Variants in STARD9 observed in about 807,000 individuals in gnomAD.
STARD9 encodes StAR related lipid transfer domain containing 9, also known as stAR-related lipid transfer protein 9.
In STARD9, 346 loss-of-function variants were observed where a neutral mutation model predicts 399.8. The ratio of observed to expected loss-of-function variants is 0.87; its 90% confidence interval spans 0.79 to 0.95. The LOEUF (loss-of-function observed/expected upper bound fraction) is 0.95. Ranked by LOEUF, STARD9 falls within the 40% of genes least tolerant of loss-of-function variation. The pLI is 0.00. For synonymous variants in STARD9, 2,203 were observed against 2,143.5 expected (o/e 1.03, Z -0.77); for missense variants, 5,832 against 5,667.5 (o/e 1.03, Z -0.93).
Position 42,701,957 on chromosome 15 carries a change from C to T in STARD9, c.13284+6077C>T, listed in dbSNP as rs2060972922. Among the ~76,000 whole-genome samples, 6 of 138,446 alleles carry T rather than the reference C, an allele frequency of 4.3e-5. No homozygotes were observed. In the Admixed American group the frequency reaches 4.6e-4, roughly 11 times the overall value. The allele number at this position is 138,446 out of a possible 152,430, so 90.8% of individuals were successfully genotyped here. ...TTGCAGTGACCCGAGATCATCATTG[C>T]ACTCCAGTGCAGGTGACAGTGTGAG... On this transcript the variant is annotated intron_variant, in intron 26 of 32. Coordinates refer to ENST00000290607, the MANE Select transcript of STARD9 (RefSeq NM_020759.3).
chr15:42,576,339 A>G (rs960097325), intron 1 of STARD9, among the ~76,000 whole-genome samples: 3 of 152,198 alleles, frequency 2.0e-5, no homozygotes, highest in African/African-American at 7.2e-5. Context: ...CAGAGCCCTC[A>G]GTGCCCGTTT....
chr15:42,635,825 G>A (rs2059408379), intron 4 of STARD9, among the ~76,000 whole-genome samples: 2 of 152,252 alleles, frequency 1.3e-5, no homozygotes, highest in South Asian at 4.1e-4. Context: ...TGATTATTGT[G>A]GCCAAGCTCC....
intron 3 of STARD9, among the ~76,000 whole-genome samples, chr15:42,602,858 C>T (rs1206114443): frequency 1.3e-5 from 2 of 152,214 alleles, no homozygotes; most frequent in African/African-American, 4.8e-5. Flanking sequence ...TCCTTCATCC[C>T]ACCCCTTTTG....
intron 1 of STARD9, among the ~76,000 whole-genome samples, chr15:42,582,580 G>A (rs903639088): frequency 6.6e-6 from 1 of 152,188 alleles, no homozygotes; most frequent in African/African-American, 2.4e-5. Context: ...TATATTCTCA[G>A]GGTCTCAGCA....
chr15:42,713,586 A>C (rs1461808505), intron 26 of STARD9, among the ~76,000 whole-genome samples: 1 of 152,094 alleles, frequency 6.6e-6, no homozygotes, highest in Non-Finnish European at 1.5e-5. Flanking sequence ...TAGTTTTTTG[A>C]ATATTTTTAT....
chr15:42,643,195 G>A (rs1466864624), intron 7 of STARD9, among the ~76,000 whole-genome samples: 1 of 151,902 alleles, frequency 6.6e-6, no homozygotes, highest in Non-Finnish European at 1.5e-5. Context: ...CCCTTTTATT[G>A]TTTTTGGTTT....
intron 7 of STARD9, among the ~76,000 whole-genome samples, chr15:42,648,600 AT>A (rs1470988370): frequency 1.3e-5 from 2 of 151,974 alleles, no homozygotes; most frequent in Non-Finnish European, 2.9e-5. Flanking sequence ...TCCTAGTCTA[AT>A]TTTTTCAATA....
chr15:42,673,275 A>G (rs1229710460), intron 16 of STARD9, among the ~76,000 whole-genome samples: 2 of 148,174 alleles, frequency 1.3e-5, no homozygotes, highest in African/African-American at 5.1e-5. Context: ...GGTGGCAGGC[A>G]CCTGTAGTCC....
At chr15:42,664,727 G>A (rs190427958) in intron 13 of STARD9, among the ~76,000 whole-genome samples, 1 of 152,012 alleles carries the variant, frequency 6.6e-6, no homozygotes, top group East Asian at 1.9e-4. Flanking sequence ...GCAAATTGCA[G>A]TGACTTCTCT....
chr15:42,586,669 T>G (rs1039570359), intron 3 of STARD9, among the ~76,000 whole-genome samples: 6 of 152,162 alleles, frequency 3.9e-5, no homozygotes, highest in African/African-American at 1.4e-4. Flanking sequence ...TGGTTCATTA[T>G]CATCATATCA....
intron 13 of STARD9, 46 bp downstream of exon 13, chr15:42,663,963 C>T (rs1167357605): frequency 7.7e-7 from 1 of 1,294,392 alleles, no homozygotes; most frequent in African/African-American, 1.5e-5. Flanking sequence ...TTACACAAAG[C>T]TTTCCTTATT....
At chr15:42,677,532 A>G (rs1455841820) in intron 20 of STARD9, among the ~76,000 whole-genome samples, 1 of 152,182 alleles carries the variant, frequency 6.6e-6, no homozygotes, top group African/African-American at 2.4e-5. Flanking sequence ...GTTTTAGGTA[A>G]GGTTTGTGTT....
At chr15:42,592,588 GTGTGT>G (rs1305822617) in intron 3 of STARD9, among the ~76,000 whole-genome samples, 1 of 152,050 alleles carries the variant, frequency 6.6e-6, no homozygotes, top group Non-Finnish European at 1.5e-5. Flanking sequence ...GGGATTACAG[GTGTGT>G]GCCACCACAC....
At chr15:42,596,273 C>T (rs1012557357) in intron 3 of STARD9, among the ~76,000 whole-genome samples, 1 of 152,096 alleles carries the variant, frequency 6.6e-6, no homozygotes, top group African/African-American at 2.4e-5. Context: ...AGACAGTTGT[C>T]CTTGATGTTA....
chr15:42,635,362 C>T (rs898115839), intron 4 of STARD9, among the ~76,000 whole-genome samples: 1 of 151,878 alleles, frequency 6.6e-6, no homozygotes, highest in Non-Finnish European at 1.5e-5. Flanking sequence ...CGCAGTCTTG[C>T]TCTGTCGCCG....
chr15:42,581,563 G>A, intron 1 of STARD9: 1 of 1,040,548 alleles, frequency 9.6e-7, no homozygotes, highest in Non-Finnish European at 1.4e-6. Flanking sequence ...CAGCTCCTAG[G>A]GCGGGTGGAA....
intron 3 of STARD9, among the ~76,000 whole-genome samples, chr15:42,617,714 CTGT>C (rs1235866751): frequency 6.6e-6 from 1 of 152,032 alleles, no homozygotes; most frequent in Non-Finnish European, 1.5e-5. Context: ...TTCTCTTTCA[CTGT>C]TGTTTTCATT....
intron 3 of STARD9, among the ~76,000 whole-genome samples, chr15:42,620,784 T>G (rs894847247): frequency 6.6e-6 from 1 of 150,638 alleles, no homozygotes; most frequent in Admixed American, 6.6e-5. Flanking sequence ...AGACAGAGTT[T>G]CCCTGTGTCG....
chr15:42,666,866 G>GT (rs2140122923), intron 15 of STARD9, among the ~76,000 whole-genome samples: 1 of 152,208 alleles, frequency 6.6e-6, no homozygotes, highest in Non-Finnish European at 1.5e-5. Context: ...CCAGGCTGGA[G>GT]TGCAGCGTTG....
Sources: gnomAD v4.1 joint callset for allele counts (sites outside exome capture counted in the v4.1 genomes callset) on GRCh38, gnomAD v4.1.1 for gene constraint, MANE v1.5 for transcripts, NCBI Gene and HGNC (gene_info 2026-07-23, HGNC 2026-07-21) for gene names.